The following ST3GAL3 variants were observed in gnomAD, a reference collection of about 807,000 sequenced individuals.
ST3GAL3 encodes ST3 beta-galactoside alpha-2,3-sialyltransferase 3, also known as CMP-N-acetylneuraminate-beta-1,4-galactoside alpha-2,3-sialyltransferase.
Under a neutral mutation model 50.1 loss-of-function variants are expected in ST3GAL3, and 21 were observed. That is an observed-to-expected ratio of 0.42 (90% CI 0.30 to 0.60). ST3GAL3 has a LOEUF of 0.60. Ranked by LOEUF, ST3GAL3 falls within the 20% of genes least tolerant of loss-of-function variation. The probability of loss-of-function intolerance (pLI) is 0.19; values close to 1 mark genes in which losing one functional copy is unlikely to be tolerated. For missense variants in ST3GAL3, 353 were observed against 489.4 expected (o/e 0.72, Z 2.63); for synonymous variants, 183 against 190.0 (o/e 0.96, Z 0.30).
intron 2 of ST3GAL3, among the ~76,000 whole-genome samples, chr1:43,758,649 T>G (rs1689032501): frequency 6.6e-6 from 1 of 152,184 alleles, no homozygotes. Flanking sequence ...AAACTTAGAC[T>G]TTTTTCAGTT....
At chr1:43,777,993 C>A (rs1464959313) in intron 2 of ST3GAL3, among the ~76,000 whole-genome samples, 1 of 152,158 alleles carries the variant, frequency 6.6e-6, no homozygotes, top group African/African-American at 2.4e-5. Context: ...TTCACTGCAA[C>A]ACTGTTCACA....
At chr1:43,903,550 G>A (rs2078650929) in intron 9 of ST3GAL3, among the ~76,000 whole-genome samples, 1 of 152,220 alleles carries the variant, frequency 6.6e-6, no homozygotes, top group Non-Finnish European at 1.5e-5. Context: ...AGGCTGGGTG[G>A]GTGTGGGGTG....
In ST3GAL3 at chr1:43,920,943, A is replaced by T. The variant is rs3120803; in HGVS notation, c.1038+15A>T. On this transcript the variant is annotated intron_variant, in intron 11 of 11. Transcript: ENST00000347631. ...CCATCAAAGAGGTTCGGGGCTGGGT[A>T]TGGGGGCAATCCCTGGGTGGGGATG... The T allele has an allele frequency of 6.3e-7, 1 of 1,597,420 alleles. No homozygotes were observed. The highest frequency in any genetic ancestry group is 8.5e-7 in the Non-Finnish European group (1 of 1,171,670).
Position 43,863,121 on chromosome 1 carries a change from G to A in ST3GAL3, c.302+24810G>A, listed in dbSNP as rs181589117. On this transcript the variant is annotated intron_variant, in intron 5 of 11. Coordinates refer to ENST00000347631, the MANE Select transcript of ST3GAL3 (RefSeq NM_006279.5). ...TGGGGAAATGGTTTTAAAAAACGCA[G>A]GCATGGTCCCAGCTCACTGTCTGGG... 3.0e-3 allele frequency among the ~76,000 whole-genome samples: 462 copies of A among 152,316 alleles called. 2 individuals are homozygous for A. Among genetic ancestry groups the A allele is most frequent in the African/African-American group, 0.011 (439 of 41,556 alleles).
At chr1:43,892,951 A>G (rs890516764) in intron 5 of ST3GAL3, among the ~76,000 whole-genome samples, 3 of 152,220 alleles carry the variant, frequency 2.0e-5, no homozygotes, top group African/African-American at 7.2e-5. Context: ...ACTTGGCACA[A>G]GAAATATGCA....
At chr1:43,716,530 C>T (rs1195580390) in intron 1 of ST3GAL3, 1 of 152,108 alleles carries the variant, frequency 6.6e-6, no homozygotes, top group Non-Finnish European at 1.5e-5. Context: ...GGATGACACA[C>T]AAATTTATGA....
intron 4 of ST3GAL3, among the ~76,000 whole-genome samples, chr1:43,817,127 T>G (rs1333678273): frequency 3.3e-5 from 5 of 152,360 alleles, no homozygotes; most frequent in African/African-American, 1.2e-4. Flanking sequence ...TGCTGCATAG[T>G]ATTACATGAC....
intron 5 of ST3GAL3, among the ~76,000 whole-genome samples, chr1:43,878,110 C>T (rs966700894): frequency 6.6e-6 from 1 of 152,178 alleles, no homozygotes. Context: ...TCTCTCGCCT[C>T]TTCTGCCTCT....
At chr1:43,875,210 A>G (rs1429774613) in intron 5 of ST3GAL3, among the ~76,000 whole-genome samples, 2 of 152,214 alleles carry the variant, frequency 1.3e-5, no homozygotes, top group Non-Finnish European at 2.9e-5. Context: ...CAATGGCTTG[A>G]TGATTTCAGT....
At chr1:43,846,940 C>G (rs1440749752) in intron 5 of ST3GAL3, among the ~76,000 whole-genome samples, 1 of 152,112 alleles carries the variant, frequency 6.6e-6, no homozygotes, top group Non-Finnish European at 1.5e-5. Flanking sequence ...TAGAGAACTT[C>G]TAATACTCAA....
intron 5 of ST3GAL3, among the ~76,000 whole-genome samples, chr1:43,886,885 C>T (rs2076068330): frequency 6.6e-6 from 1 of 152,112 alleles, no homozygotes; most frequent in Non-Finnish European, 1.5e-5. Flanking sequence ...GGGGAGAGAC[C>T]TGAGCCTTAT....
At chr1:43,738,413 A>AT (rs1449749748) in intron 2 of ST3GAL3, 2 of 152,000 alleles carry the variant, frequency 1.3e-5, no homozygotes, top group Non-Finnish European at 2.9e-5. Context: ...AAAGCATACT[A>AT]TTTTATGTGC....
intron 5 of ST3GAL3, among the ~76,000 whole-genome samples, chr1:43,842,975 A>G (rs984236264): frequency 2.6e-5 from 4 of 152,112 alleles, no homozygotes; most frequent in African/African-American, 9.7e-5. Context: ...TATTCTGTTG[A>G]TTTATGACTT....
chr1:43,710,170 C>T lies in ST3GAL3; in HGVS notation c.-31+2477C>T, dbSNP rs147046416. On this transcript the variant is annotated intron_variant, in intron 1 of 11. Transcript: ENST00000347631. ...CATCTCAGCCCACTGCAACCTCCAC[C>T]ACCTGGGTTAAAGTAATTCTCCCGT... Among the ~76,000 whole-genome samples the T allele has an allele frequency of 6.7e-3, 1,017 of 152,204 alleles. 3 individuals are homozygous for T. The highest frequency in any genetic ancestry group is 0.011 in the Non-Finnish European group (724 of 68,018).
intron 3 of ST3GAL3, among the ~76,000 whole-genome samples, chr1:43,796,933 C>A (rs1005592084): frequency 1.3e-5 from 2 of 152,196 alleles, no homozygotes; most frequent in African/African-American, 4.8e-5. Context: ...CCTGTAATCC[C>A]AACACTTTGG....
chr1:43,836,490 T>A (rs2064346976), intron 4 of ST3GAL3, among the ~76,000 whole-genome samples: 1 of 152,208 alleles, frequency 6.6e-6, no homozygotes, highest in Non-Finnish European at 1.5e-5. Flanking sequence ...GGGTCTGTGG[T>A]GAATCAGACA....
intron 5 of ST3GAL3, among the ~76,000 whole-genome samples, chr1:43,859,374 A>G (rs2069321247): frequency 6.6e-6 from 1 of 152,112 alleles, no homozygotes; most frequent in Non-Finnish European, 1.5e-5. Flanking sequence ...AGCCTGACCG[A>G]CATGGAGAAA....
intron 2 of ST3GAL3, among the ~76,000 whole-genome samples, chr1:43,759,112 G>A (rs1689308213): frequency 7.2e-6 from 1 of 139,624 alleles, no homozygotes; most frequent in Non-Finnish European, 1.5e-5. Context: ...CACACAGAAG[G>A]GGATATATAG....
intron 5 of ST3GAL3, among the ~76,000 whole-genome samples, chr1:43,846,556 G>T (rs1257041031): frequency 6.6e-6 from 1 of 152,116 alleles, no homozygotes; most frequent in Non-Finnish European, 1.5e-5. Flanking sequence ...GCTGTCCCAC[G>T]GGTGGTTGGG....
Sources: gnomAD v4.1 joint callset for allele counts (sites outside exome capture counted in the v4.1 genomes callset) on GRCh38, gnomAD v4.1.1 for gene constraint, MANE v1.5 for transcripts, NCBI Gene and HGNC (gene_info 2026-07-23, HGNC 2026-07-21) for gene names.